ASAP1: variants seen among roughly 807,000 people sequenced by gnomAD.
ASAP1 encodes the protein ArfGAP with SH3 domain, ankyrin repeat and PH domain 1, also known as arf-GAP with SH3 domain, ANK repeat and PH domain-containing protein 1.
Under a neutral mutation model 145.2 loss-of-function variants are expected in ASAP1, and 43 were observed. That is an observed-to-expected ratio of 0.30 (90% CI 0.23 to 0.38). ASAP1 has a LOEUF of 0.38. Among genes scored for constraint, ASAP1 ranks in the 10% least tolerant of loss-of-function variants. The pLI, the probability that ASAP1 is intolerant of heterozygous loss-of-function variation, is 1.00. For synonymous variants in ASAP1, 546 were observed against 515.5 expected, an observed-to-expected ratio of 1.06 and a Z score of -0.80; for missense variants, 1,018 against 1,355.3, an observed-to-expected ratio of 0.75 and a Z score of 3.91.
chr8:130,344,116 A>G (rs540789757), intron 3 of ASAP1, among the ~76,000 whole-genome samples: 2 of 152,366 alleles, frequency 1.3e-5, no homozygotes, highest in East Asian at 3.9e-4. Context: ...TGCAGTCAAC[A>G]CTATCCATAC....
chr8:130,188,812 C>T (rs192762619), intron 5 of ASAP1, among the ~76,000 whole-genome samples: 1 of 150,988 alleles, frequency 6.6e-6, no homozygotes, highest in African/African-American at 2.4e-5. Context: ...CACTATACTA[C>T]AGTACACGTA....
At chr8:130,065,810 A>G (rs766858266) in intron 27 of ASAP1, among the ~76,000 whole-genome samples, 6 of 152,254 alleles carry the variant, frequency 3.9e-5, no homozygotes, top group Non-Finnish European at 8.8e-5. Flanking sequence ...CTATGAAGTC[A>G]CACAAACACT....
chr8:130,088,584 T>C (rs773704529), intron 25 of ASAP1, among the ~76,000 whole-genome samples: 11 of 152,186 alleles, frequency 7.2e-5, no homozygotes. Flanking sequence ...AAACAGATTC[T>C]TCCCACAGGG....
rs542058736 is a variant in ASAP1 at position 130,136,948 on chromosome 8, C to T, written c.1168+3G>A. The T allele has an allele frequency of 3.1e-6, 5 of 1,613,538 alleles. No homozygotes were observed. The South Asian group carries it at 4.4e-5, about 14-fold the overall frequency. ...CCAACTCAGAGAGAGAAAAAGGACT[C>T]ACGTGATATCAGGTCAAAAGATTTT... On this transcript the variant is annotated splice_donor_region_variant and intron_variant, in intron 14 of 29. Coordinates refer to ENST00000518721, the MANE Select transcript of ASAP1 (RefSeq NM_018482.4).
chr8:130,268,558 T>G (rs982637799), intron 3 of ASAP1, among the ~76,000 whole-genome samples: 6 of 151,132 alleles, frequency 4.0e-5, no homozygotes, highest in Non-Finnish European at 8.8e-5. Context: ...TAGAGCAATA[T>G]TTGTACTATT....
intron 1 of ASAP1, among the ~76,000 whole-genome samples, chr8:130,404,166 C>G (rs1254151593): frequency 2.0e-5 from 3 of 152,178 alleles, no homozygotes; most frequent in African/African-American, 4.8e-5. Flanking sequence ...AGCACCAACT[C>G]TACAATGCCC....
At chr8:130,063,129 T>G (rs2097422885) in intron 27 of ASAP1, among the ~76,000 whole-genome samples, 1 of 152,182 alleles carries the variant, frequency 6.6e-6, no homozygotes, top group Non-Finnish European at 1.5e-5. Context: ...ATACACTAAC[T>G]CATCAGTTAT....
intron 3 of ASAP1, among the ~76,000 whole-genome samples, chr8:130,310,139 G>A: frequency 1.2e-5 from 1 of 85,210 alleles, no homozygotes; most frequent in African/African-American, 3.5e-5. Flanking sequence ...AGTTTTTTTT[G>A]GGGGGGGGAG....
chr8:130,363,109 A>G (rs1271418453), intron 2 of ASAP1, among the ~76,000 whole-genome samples: 2 of 152,236 alleles, frequency 1.3e-5, no homozygotes, highest in East Asian at 3.8e-4. Flanking sequence ...CCCCTATCTC[A>G]GTGTTCTGAG....
chr8:130,188,317 AACCT>A, intron 5 of ASAP1, 134 bp from the exon 6 acceptor site: 1 of 695,240 alleles, frequency 1.4e-6, no homozygotes, highest in South Asian at 1.7e-5. Context: ...TATTTCATTG[AACCT>A]ACATGACACC....
At chr8:130,317,788 T>C (rs1016275074) in intron 3 of ASAP1, among the ~76,000 whole-genome samples, 3 of 152,222 alleles carry the variant, frequency 2.0e-5, no homozygotes, top group Admixed American at 6.5e-5. Flanking sequence ...AGCCATCCTT[T>C]GTGGCTGAAG....
intron 3 of ASAP1, among the ~76,000 whole-genome samples, chr8:130,324,802 T>C (rs1438014736): frequency 1.3e-5 from 2 of 152,174 alleles, no homozygotes; most frequent in African/African-American, 4.8e-5. Flanking sequence ...ATCTTAACCA[T>C]GCACTCATTT....
At chr8:130,127,370 C>A (rs2097576579) in intron 16 of ASAP1, among the ~76,000 whole-genome samples, 1 of 152,162 alleles carries the variant, frequency 6.6e-6, no homozygotes, top group Non-Finnish European at 1.5e-5. Context: ...GTGCCCGCCA[C>A]CTCGCCCAGC....
intron 1 of ASAP1, among the ~76,000 whole-genome samples, chr8:130,440,825 C>A (rs1565317688): frequency 6.6e-6 from 1 of 152,232 alleles, no homozygotes; most frequent in Non-Finnish European, 1.5e-5. Context: ...TTTCCAATCT[C>A]AGAAAGGCTT....
intron 5 of ASAP1, among the ~76,000 whole-genome samples, chr8:130,211,508 G>T (rs1414315132): frequency 6.6e-6 from 1 of 152,146 alleles, no homozygotes; most frequent in Non-Finnish European, 1.5e-5. Flanking sequence ...TAAGACCACT[G>T]CCCCAGAAAC....
At chr8:130,421,470 G>C (rs990063037) in intron 1 of ASAP1, among the ~76,000 whole-genome samples, 1 of 152,160 alleles carries the variant, frequency 6.6e-6, no homozygotes, top group Non-Finnish European at 1.5e-5. Flanking sequence ...CTTGCAGCTG[G>C]GTGTGACCAT....
chr8:130,441,018 A>C (rs964767836), intron 1 of ASAP1, among the ~76,000 whole-genome samples: 6 of 152,158 alleles, frequency 3.9e-5, no homozygotes, highest in Non-Finnish European at 8.8e-5. Context: ...TTCGTCCACC[A>C]CTGTATCATC....
At chr8:130,192,293 T>C (rs959827281) in intron 5 of ASAP1, among the ~76,000 whole-genome samples, 1 of 148,236 alleles carries the variant, frequency 6.7e-6, no homozygotes, top group Non-Finnish European at 1.5e-5. Flanking sequence ...ATAACTGATA[T>C]CAACTATGTC....
intron 13 of ASAP1, among the ~76,000 whole-genome samples, chr8:130,145,651 G>T (rs150602195): frequency 3.9e-5 from 6 of 152,210 alleles, no homozygotes; most frequent in African/African-American, 1.2e-4. Flanking sequence ...TGAGAACACA[G>T]CATTTACTCA....
Sources: allele counts gnomAD v4.1 joint callset (sites outside exome capture counted in the v4.1 genomes callset), GRCh38; gene constraint gnomAD v4.1.1; transcripts MANE v1.5; gene names NCBI Gene and HGNC (gene_info 2026-07-23, HGNC 2026-07-21).